NBEA: variants seen among roughly 807,000 people sequenced by gnomAD.
NBEA encodes the protein neurobeachin, also known as lysosomal-trafficking regulator 2.
NBEA carries 44 observed loss-of-function variants against 343.4 expected under a neutral mutation model. The observed-to-expected ratio is 0.13, with a 90% CI of 0.10 to 0.16. The LOEUF (loss-of-function observed/expected upper bound fraction) is 0.16, where lower values mean the gene tolerates loss of function less well. Ranked by LOEUF, NBEA falls within the 10% of genes least tolerant of loss-of-function variation. The pLI is 1.00. For synonymous variants in NBEA, 1,175 were observed against 1,238.7 expected (o/e 0.95, Z 1.08); for missense variants, 2,555 against 3,631.3 (o/e 0.70, Z 7.62).
chr13:35,541,758 G>GTA (rs1248995194), intron 41 of NBEA, among the ~76,000 whole-genome samples: 6 of 148,182 alleles, frequency 4.0e-5, no homozygotes, highest in African/African-American at 1.5e-4. Flanking sequence ...GTGTGTGTGT[G>GTA]TGTATGTGTT....
chr13:35,627,326 C>T (rs1331040226), intron 48 of NBEA, among the ~76,000 whole-genome samples: 2 of 152,120 alleles, frequency 1.3e-5, no homozygotes, highest in Non-Finnish European at 2.9e-5. Context: ...AAGTGAGAGG[C>T]GTAGTGAGCC....
intron 33 of NBEA, 62 bp from the exon 34 acceptor site, chr13:35,232,430 A>C: frequency 8.9e-7 from 1 of 1,118,334 alleles, no homozygotes. Context: ...TTTAGAAGTA[A>C]AGTTTATTTG....
At chr13:35,288,348 G>C (rs890707675) in intron 34 of NBEA, among the ~76,000 whole-genome samples, 2 of 151,676 alleles carry the variant, frequency 1.3e-5, no homozygotes, top group Non-Finnish European at 2.9e-5. Flanking sequence ...TCAATGTCAC[G>C]TTTAGTTCTT....
chr13:34,995,825 T>G (rs1369286459), intron 1 of NBEA, among the ~76,000 whole-genome samples: 1 of 152,230 alleles, frequency 6.6e-6, no homozygotes, highest in East Asian at 1.9e-4. Context: ...ATCAATGGCC[T>G]CCTGCAAATT....
intron 2 of NBEA, among the ~76,000 whole-genome samples, chr13:35,041,971 T>C (rs1040517372): frequency 6.6e-6 from 1 of 151,972 alleles, no homozygotes; most frequent in African/African-American, 2.4e-5. Flanking sequence ...TTCATAATTA[T>C]AAAAGTGCTG....
intron 41 of NBEA, among the ~76,000 whole-genome samples, chr13:35,473,162 T>C (rs960673261): frequency 1.3e-5 from 2 of 152,222 alleles, no homozygotes; most frequent in Non-Finnish European, 2.9e-5. Flanking sequence ...TAAATGCATA[T>C]TTATTAAATG....
chr13:35,023,290 G>C (rs1290818027), intron 1 of NBEA, among the ~76,000 whole-genome samples: 1 of 151,956 alleles, frequency 6.6e-6, no homozygotes, highest in Non-Finnish European at 1.5e-5. Flanking sequence ...CTTTATAAAG[G>C]GACACTGTCA....
At chr13:35,003,848 T>C (rs2061227835) in intron 1 of NBEA, among the ~76,000 whole-genome samples, 1 of 152,170 alleles carries the variant, frequency 6.6e-6, no homozygotes, top group Non-Finnish European at 1.5e-5. Flanking sequence ...GGTAAATGTG[T>C]GCCATGGTGG....
intron 49 of NBEA, among the ~76,000 whole-genome samples, chr13:35,631,846 C>T (rs550674326): frequency 6.6e-6 from 1 of 152,010 alleles, no homozygotes; most frequent in Admixed American, 6.6e-5. Context: ...TTCTCTATGT[C>T]AGATTGAAAA....
At chr13:35,367,291 G>T (rs766986610) in intron 38 of NBEA, among the ~76,000 whole-genome samples, 3 of 151,032 alleles carry the variant, frequency 2.0e-5, no homozygotes, top group Non-Finnish European at 4.5e-5. Context: ...GTATAAGTCC[G>T]CAGAAAAAAA....
chr13:35,056,490 A>G (rs2063266176), intron 7 of NBEA, among the ~76,000 whole-genome samples: 1 of 152,152 alleles, frequency 6.6e-6, no homozygotes, highest in Non-Finnish European at 1.5e-5. Flanking sequence ...TATTAATTAC[A>G]TAGTGATAAA....
intron 31 of NBEA, among the ~76,000 whole-genome samples, chr13:35,204,386 G>A (rs1259764711): frequency 6.6e-6 from 1 of 152,092 alleles, no homozygotes; most frequent in African/African-American, 2.4e-5. Flanking sequence ...GGAGTGAAAG[G>A]CGCTTCTTAT....
At chr13:34,946,569 A>G (rs1261158294) in intron 1 of NBEA, among the ~76,000 whole-genome samples, 1 of 152,000 alleles carries the variant, frequency 6.6e-6, no homozygotes, top group African/African-American at 2.4e-5. Flanking sequence ...TTAATTATAG[A>G]CAAATTTTTT....
intron 10 of NBEA, among the ~76,000 whole-genome samples, chr13:35,077,637 A>G (rs1487816675): frequency 6.6e-6 from 1 of 152,106 alleles, no homozygotes; most frequent in Non-Finnish European, 1.5e-5. Flanking sequence ...TTCAGCTAGT[A>G]TATATCCAGT....
At chr13:35,495,017 AG>A (rs2076627749) in intron 41 of NBEA, among the ~76,000 whole-genome samples, 1 of 151,948 alleles carries the variant, frequency 6.6e-6, no homozygotes, top group Non-Finnish European at 1.5e-5. Flanking sequence ...TCAAAAAAAA[AG>A]AAAAGAAAAG....
intron 10 of NBEA, among the ~76,000 whole-genome samples, chr13:35,087,689 A>G (rs548923262): frequency 2.0e-5 from 3 of 152,022 alleles, no homozygotes; most frequent in African/African-American, 7.2e-5. Context: ...ATTACAGCCC[A>G]AAAGTAGACA....
intron 33 of NBEA, 55 bp downstream of exon 33, chr13:35,211,234 T>G (rs2073750759): frequency 1.0e-5 from 14 of 1,353,932 alleles, no homozygotes; most frequent in Non-Finnish European, 1.4e-5. Context: ...AGTGAAACAG[T>G]ACACAAAAAT....
chr13:34,999,386 ACT>A (rs1010515926), intron 1 of NBEA, among the ~76,000 whole-genome samples: 1 of 151,662 alleles, frequency 6.6e-6, no homozygotes, highest in African/African-American at 2.4e-5. Flanking sequence ...CTCCCCCAAT[ACT>A]CTCTTTACCC....
At chr13:35,002,563 C>T (rs2061177661) in intron 1 of NBEA, among the ~76,000 whole-genome samples, 1 of 152,140 alleles carries the variant, frequency 6.6e-6, no homozygotes. Flanking sequence ...TAAACATATG[C>T]ATTAGAAAAT....
Sources: gnomAD v4.1 joint callset for allele counts (sites outside exome capture counted in the v4.1 genomes callset) on GRCh38, gnomAD v4.1.1 for gene constraint, MANE v1.5 for transcripts, NCBI Gene and HGNC (gene_info 2026-07-23, HGNC 2026-07-21) for gene names.